PRDM9: variants seen among roughly 807,000 people sequenced by gnomAD.
PRDM9 encodes PR/SET domain 9, also known as histone-lysine N-methyltransferase PRDM9.
PRDM9 carries 47 observed loss-of-function variants against 55.6 expected under a neutral mutation model. That is an observed-to-expected ratio of 0.85 (90% CI 0.67 to 1.08). The LOEUF is 1.08. Ranked by LOEUF, PRDM9 falls within the 50% of genes least tolerant of loss-of-function variation. The probability of loss-of-function intolerance (pLI) is 0.00; values close to 1 mark genes in which losing one functional copy is unlikely to be tolerated. For synonymous variants in PRDM9, 312 were observed against 375.7 expected, an observed-to-expected ratio of 0.83 and a Z score of 1.96; for missense variants, 867 against 1,040.3, an observed-to-expected ratio of 0.83 and a Z score of 2.29.
Position 23,509,007 on chromosome 5 carries a change from C to T in PRDM9, c.-27C>T. The T allele has an allele frequency of 6.2e-7, 1 of 1,612,930 alleles. No individual in the cohort carries two copies. Among genetic ancestry groups the T allele is most frequent in the Non-Finnish European group, 8.5e-7 (1 of 1,179,144 alleles). On this transcript the variant is annotated 5_prime_UTR_variant, in exon 2 of 11. Coordinates refer to ENST00000296682, the MANE Select transcript of PRDM9 (RefSeq NM_020227.4). ...GCCCTTCTCACACTCAGAATTGGAG[C>T]AGGGCCTTCTAGACAGTCCCAGCAC...
chr5:23,509,340 G>A lies in PRDM9; in HGVS notation c.70-130G>A, dbSNP rs112892776. 45 of 1,513,080 alleles carry A rather than the reference G, an allele frequency of 3.0e-5. No individual in the cohort carries two copies. The African/African-American group carries it at 3.9e-4, about 13-fold the overall frequency. The allele number at this position is 1,513,080 out of a possible 1,614,324, so 93.7% of individuals were successfully genotyped here. A position where few individuals can be genotyped will look rare whatever the true frequency, so the allele number is the denominator to read the frequency against. On this transcript the variant is annotated intron_variant, in intron 2 of 10. Transcript: ENST00000296682. ...GTTAAATGGGACACAGTCTGGAGAA[G>A]GAGGGAAGATCTTTATGTTTCACAG...
At chr5:23,521,912 A>G (rs1317280202) in intron 6 of PRDM9, among the ~76,000 whole-genome samples, 1 of 152,222 alleles carries the variant, frequency 6.6e-6, no homozygotes, top group East Asian at 1.9e-4. Flanking sequence ...TTCCTCTTCC[A>G]TCACATGTCT....
chr5:23,510,396 C>T (rs989211299), intron 4 of PRDM9, among the ~76,000 whole-genome samples: 4 of 151,492 alleles, frequency 2.6e-5, no homozygotes, highest in African/African-American at 9.7e-5. Context: ...ACAGGGTCTC[C>T]CTCTGTCATC....
rs762496809 is a variant in PRDM9, at chr5:23,522,922, C to A, written c.882+37C>A. The A allele has an allele frequency of 2.5e-6, 4 of 1,614,208 alleles. No individual in the cohort carries two copies. In the South Asian group the frequency reaches 3.3e-5, roughly 13 times the overall value. Reference sequence around the variant, plus strand: ...CTGCCATTTCCCCTGTTCTGTCTTCCCACATCCCTTCTGTGCCTTTGGTGG... The same window carrying A: ...CTGCCATTTCCCCTGTTCTGTCTTCACACATCCCTTCTGTGCCTTTGGTGG... On this transcript the variant is annotated intron_variant, in intron 8 of 10. Transcript: ENST00000296682.
intron 9 of PRDM9, among the ~76,000 whole-genome samples, chr5:23,523,658 C>T (rs946636170): frequency 5.3e-5 from 8 of 152,220 alleles, no homozygotes; most frequent in South Asian, 4.2e-4. Flanking sequence ...ATGTAATCCA[C>T]GTTTATTAAG....
chr5:23,526,312 A>T lies in PRDM9; in HGVS notation c.1224A>T (p.Glu408Asp), dbSNP rs779233922. 5.6e-6 allele frequency: 9 copies of T among 1,614,146 alleles called. No homozygotes were observed. The highest frequency in any genetic ancestry group is 7.6e-6 in the Non-Finnish European group (9 of 1,180,026). ...SSQKFLSQHV[E>D]RNHSSQNFPG... is the part of the protein sequence containing the mutation. ...AGAAATTTCTCAGTCAACATGTAGA[A>T]CGCAATCACTCCTCTCAGAACTTCC... Residue 408 changes from glutamate to aspartate, a missense_variant, in exon 11 of 11, where the codon GAA (glutamate) becomes GAT (aspartate). This residue lies in a region of PRDM9 where 662 missense variants were observed against 711.9 expected (regional missense o/e 0.93). Coordinates refer to ENST00000296682, the MANE Select transcript of PRDM9 (RefSeq NM_020227.4).
At position 23,522,422 on chromosome 5, in the gene PRDM9, G is replaced by T. The variant is rs1321080233; in HGVS notation, c.610+17G>T. ...ATTACCTCTGTAAGTGACACTTTTG[G>T]CCACTCACACAGCTTGCTGTTATGT... is the stretch of plus-strand genomic sequence containing the variant. On this transcript the variant is annotated intron_variant, in intron 7 of 10. Coordinates refer to ENST00000296682, the MANE Select transcript of PRDM9 (RefSeq NM_020227.4). 1 of 1,605,642 alleles carries T rather than the reference G, an allele frequency of 6.2e-7. No individual in the cohort carries two copies. Among genetic ancestry groups the T allele is most frequent in the African/African-American group, 1.3e-5 (1 of 74,748 alleles).
chr5:23,516,939 C>A (rs1297094412), intron 4 of PRDM9, among the ~76,000 whole-genome samples: 4 of 149,532 alleles, frequency 2.7e-5, no homozygotes, highest in African/African-American at 7.4e-5. Context: ...GAGATCAAGA[C>A]CATCCTGGCT....
intron 4 of PRDM9, among the ~76,000 whole-genome samples, chr5:23,514,532 T>G (rs1434323402): frequency 1.3e-5 from 2 of 151,978 alleles, no homozygotes; most frequent in Non-Finnish European, 2.9e-5. Flanking sequence ...CACTGCAAAC[T>G]CCACCTCCTG....
chr5:23,508,603 C>CG (rs1445025725), intron 1 of PRDM9, among the ~76,000 whole-genome samples: 2 of 152,158 alleles, frequency 1.3e-5, no homozygotes, highest in African/African-American at 2.4e-5. Flanking sequence ...TCTCAGCAGT[C>CG]GGGGGGCCTC....
Position 23,527,892 on chromosome 5 carries a change from C to T in PRDM9, c.*119C>T. On this transcript the variant is annotated 3_prime_UTR_variant, in exon 11 of 11. Transcript: ENST00000296682. ...GAAGTCTGCTGACCCCTTATATTCC[C>T]CGAGAGTATAAAGAGATCGGAAATA... The T allele has an allele frequency of 3.2e-6, 4 of 1,261,758 alleles. No homozygotes were observed. Among genetic ancestry groups the T allele is most frequent in the Non-Finnish European group, 4.5e-6 (4 of 881,712 alleles). The allele number at this position is 1,261,758 out of a possible 1,614,324, so 78.2% of individuals were successfully genotyped here.
At position 23,509,070 on chromosome 5, in the gene PRDM9, G is replaced by A. The variant is rs866320231; in HGVS notation, c.37G>A (p.Glu13Lys). Residue 13 changes from glutamate to lysine, a missense_variant, in exon 2 of 11, where the codon GAA (glutamate) becomes AAA (lysine). Around this residue, in one of 5 missense-constraint regions of PRDM9, gnomAD observed 662 missense variants for 711.9 expected, o/e 0.93. Transcript: ENST00000296682. ...AAAGTCCCAAGAGGAGAGCCCAGAA[G>A]AAGACACAGAGAGAACAGAGCGGAA... ...PEKSQEESPE[E>K]DTERTERKPM... The A allele has an allele frequency of 6.2e-7, 1 of 1,614,156 alleles. No individual in the cohort carries two copies. The highest frequency in any genetic ancestry group is 8.5e-7 in the Non-Finnish European group (1 of 1,180,012).
intron 9 of PRDM9, among the ~76,000 whole-genome samples, chr5:23,523,614 A>G (rs2126429884): frequency 6.6e-6 from 1 of 152,342 alleles, no homozygotes; most frequent in South Asian, 2.1e-4. Flanking sequence ...AGAAGCCTAG[A>G]TTCACGGGGG....
chr5:23,516,109 T>G (rs1739204294), intron 4 of PRDM9, among the ~76,000 whole-genome samples: 1 of 152,218 alleles, frequency 6.6e-6, no homozygotes, highest in Non-Finnish European at 1.5e-5. Flanking sequence ...AGTATGAACA[T>G]GTTAACAATA....
Position 23,509,024 on chromosome 5 carries a change from T to C in PRDM9, c.-10T>C, listed in dbSNP as rs552008353. 1.2e-4 allele frequency: 195 copies of C among 1,613,780 alleles called. No individual in the cohort carries two copies. The highest frequency in any genetic ancestry group is 1.5e-4 in the Non-Finnish European group (178 of 1,179,872). On this transcript the variant is annotated 5_prime_UTR_variant, in exon 2 of 11. Coordinates refer to ENST00000296682, the MANE Select transcript of PRDM9 (RefSeq NM_020227.4). ...AATTGGAGCAGGGCCTTCTAGACAG[T>C]CCCAGCACCATGAGCCCTGAAAAGT...
At chr5:23,522,446 G>C (rs1488846036) in intron 7 of PRDM9, 41 bp downstream of exon 7, 1 of 1,589,394 alleles carries the variant, frequency 6.3e-7, no homozygotes, top group Admixed American at 1.7e-5. Flanking sequence ...TTGCTGTTAT[G>C]TCCTGGTGCA....
chr5:23,519,696 A>G (rs1214132411), intron 5 of PRDM9, among the ~76,000 whole-genome samples: 1 of 152,046 alleles, frequency 6.6e-6, no homozygotes, highest in African/African-American at 2.4e-5. Context: ...TACTGTATTA[A>G]GTAGTTCAAA....
At position 23,527,990 on chromosome 5, in the gene PRDM9, G is replaced by A; in HGVS notation, c.*217G>A. On this transcript the variant is annotated 3_prime_UTR_variant, in exon 11 of 11. Transcript: ENST00000296682. ...CAAGGGATAGTTCTGTAAGTGTTCG[G>A]GGGACATCAGCATGTGTGGTTCTTT... is the stretch of plus-strand genomic sequence containing the variant. 1 of 685,994 alleles carries A rather than the reference G, an allele frequency of 1.5e-6. No individual in the cohort carries two copies. The highest frequency in any genetic ancestry group is 2.5e-6 in the Non-Finnish European group (1 of 406,584). 42.5% of individuals were successfully genotyped at this position (685,994 alleles called of 1,614,324 possible).
rs1170485047 is a variant in PRDM9, at chr5:23,526,901, G to C, written c.1813G>C (p.Glu605Gln). ...CACTCACCAGAGGACACACACAGGG[G>C]AGAAGCCCTATGTCTGCAGGGAGTG... Reference protein sequence around the residue: ...LLTHQRTHTGEKPYVCRECGR... With the variant: ...LLTHQRTHTGQKPYVCRECGR... Residue 605 changes from glutamate to glutamine, a missense_variant, in exon 11 of 11, where the codon GAG becomes CAG. This residue lies in a region of PRDM9 where 27 missense variants were observed against 50.0 expected (regional missense o/e 0.54). Transcript: ENST00000296682. The C allele has an allele frequency of 1.9e-6, 3 of 1,603,958 alleles. No individual in the cohort carries two copies. Among genetic ancestry groups the C allele is most frequent in the Admixed American group, 1.7e-5 (1 of 59,016 alleles).
Sources: gnomAD v4.1 joint callset for allele counts (sites outside exome capture counted in the v4.1 genomes callset) on GRCh38, gnomAD v4.1.1 for gene constraint, gnomAD v4.1.1 regional missense constraint, MANE v1.5 for transcripts, NCBI Gene and HGNC (gene_info 2026-07-23, HGNC 2026-07-21) for gene names.